The following FER1L6 variants were observed in gnomAD, a reference collection of about 807,000 sequenced individuals.
FER1L6 encodes the protein fer-1-like protein 6.
Under a neutral mutation model 219.2 loss-of-function variants are expected in FER1L6, and 177 were observed. That is an observed-to-expected ratio of 0.81 (90% CI 0.71 to 0.91). The LOEUF (loss-of-function observed/expected upper bound fraction) is 0.91, where lower values mean the gene tolerates loss of function less well. Among genes scored for constraint, FER1L6 ranks in the 40% least tolerant of loss-of-function variants. The pLI, the probability that FER1L6 is intolerant of heterozygous loss-of-function variation, is 0.00. For missense variants in FER1L6, 2,153 were observed against 2,259.9 expected (o/e 0.95, Z 0.96); for synonymous variants, 768 against 824.3 (o/e 0.93, Z 1.17).
intron 1 of FER1L6, among the ~76,000 whole-genome samples, chr8:123,947,763 T>C (rs1250796519): frequency 6.6e-6 from 1 of 152,208 alleles, no homozygotes. Flanking sequence ...ATAATAGAGA[T>C]AAGAACAAAG....
intron 1 of FER1L6, among the ~76,000 whole-genome samples, chr8:123,878,557 C>T (rs1180719321): frequency 6.6e-6 from 1 of 152,158 alleles, no homozygotes; most frequent in South Asian, 2.1e-4. Flanking sequence ...AAGGATTACC[C>T]TTAGTGCTCC....
At chr8:124,083,987 C>T (rs1821686927) in intron 33 of FER1L6, among the ~76,000 whole-genome samples, 1 of 151,988 alleles carries the variant, frequency 6.6e-6, no homozygotes, top group African/African-American at 2.4e-5. Context: ...GATCTTTTCT[C>T]TCTTGAAGTT....
chr8:123,913,901 A>G (rs1345236000), intron 1 of FER1L6, among the ~76,000 whole-genome samples: 1 of 152,128 alleles, frequency 6.6e-6, no homozygotes, highest in Non-Finnish European at 1.5e-5. Context: ...GGCATTCTTA[A>G]TGAACACACA....
intron 10 of FER1L6, 30 bp from the exon 11 acceptor site, chr8:123,980,435 T>G: frequency 1.4e-4 from 212 of 1,518,614 alleles, no homozygotes; most frequent in Middle Eastern, 1.8e-4. Flanking sequence ...AAAAACATAA[T>G]GAGATAACTA....
In FER1L6 at chr8:123,986,194, C is replaced by T; in HGVS notation, c.1519+18C>T. ...TTCTATTGGTAAGTACAGATAAGCACAGTGCCAGGCACATAGCATGGATTT... is the reference window on the plus strand; with the variant it reads ...TTCTATTGGTAAGTACAGATAAGCATAGTGCCAGGCACATAGCATGGATTT... On this transcript the variant is annotated intron_variant, in intron 12 of 40. Transcript: ENST00000522917. 1 of 1,397,082 alleles carries T rather than the reference C, an allele frequency of 7.2e-7. No homozygotes were observed. The highest frequency in any genetic ancestry group is 1.0e-6 in the Non-Finnish European group (1 of 986,176). 86.5% of individuals were successfully genotyped at this position (1,397,082 alleles called of 1,614,324 possible).
intron 1 of FER1L6, among the ~76,000 whole-genome samples, chr8:123,903,479 T>C (rs1413676240): frequency 6.6e-6 from 1 of 152,234 alleles, no homozygotes; most frequent in Admixed American, 6.5e-5. Flanking sequence ...ATTCAGATAA[T>C]TCTGATGTTA....
At chr8:123,931,233 C>T (rs944407513) in intron 1 of FER1L6, among the ~76,000 whole-genome samples, 1 of 152,120 alleles carries the variant, frequency 6.6e-6, no homozygotes, top group South Asian at 2.1e-4. Flanking sequence ...TCTTGTGTAC[C>T]AACAGATCCA....
intron 1 of FER1L6, among the ~76,000 whole-genome samples, chr8:123,855,788 G>GTATA (rs750993470): frequency 7.0e-6 from 1 of 143,878 alleles, no homozygotes; most frequent in Admixed American, 6.9e-5. Flanking sequence ...GTGTGTGTGT[G>GTATA]TATATATATA....
rs767275946 is a variant in FER1L6 at position 124,082,400 on chromosome 8, G to C, written c.4333G>C (p.Glu1445Gln). Residue 1445 changes from glutamate (E) to glutamine (Q), a missense_variant, in exon 33 of 41, where the codon GAG becomes CAG. Coordinates refer to ENST00000522917, the MANE Select transcript of FER1L6 (RefSeq NM_001039112.2). The part of the protein sequence containing the change: ...DLIGETKIDL[E>Q]NRFYSKHRAI... ...TATTGGTGAGACCAAGATCGACCTG[G>C]AGAACCGCTTCTACAGCAAACACCG... The C allele has an allele frequency of 1.2e-6, 2 of 1,614,084 alleles. No individual in the cohort carries two copies.
intron 35 of FER1L6, among the ~76,000 whole-genome samples, chr8:124,096,903 T>C (rs1389516440): frequency 2.0e-5 from 3 of 152,122 alleles, no homozygotes. Flanking sequence ...AAAATGTTTT[T>C]TCCTCTGTCA....
rs543162782 is a variant in FER1L6, at chr8:123,939,131, G to T, written c.-7-16861G>T. The T allele has an allele frequency of 5.1e-6, 5 of 983,614 alleles. No homozygotes were observed. In the Admixed American group the frequency reaches 3.1e-4, roughly 60 times the overall value. The allele number at this position is 983,614 out of a possible 1,614,324, so 60.9% of individuals were successfully genotyped here. ...CATAGGTTTGTACTTGCTGGAAGAT[G>T]GGGCTTGGCAGCATTTCTCAAATTG... On this transcript the variant is annotated intron_variant, in intron 1 of 40. Coordinates refer to ENST00000522917, the MANE Select transcript of FER1L6 (RefSeq NM_001039112.2).
chr8:124,032,958 C>T (rs1265076685), intron 18 of FER1L6, among the ~76,000 whole-genome samples: 1 of 152,110 alleles, frequency 6.6e-6, no homozygotes, highest in East Asian at 1.9e-4. Flanking sequence ...AACCAGATGC[C>T]CTGGCAATCC....
intron 16 of FER1L6, among the ~76,000 whole-genome samples, chr8:124,018,694 C>T (rs1818311662): frequency 1.3e-5 from 2 of 152,154 alleles, no homozygotes; most frequent in African/African-American, 2.4e-5. Flanking sequence ...TCTCCCTCCT[C>T]ATCTCTAGAC....
chr8:123,910,173 CAG>C (rs1202981567), intron 1 of FER1L6, among the ~76,000 whole-genome samples: 2 of 152,176 alleles, frequency 1.3e-5, no homozygotes, highest in African/African-American at 2.4e-5. Flanking sequence ...CCGGCAGCAG[CAG>C]ATTCATCTGC....
chr8:124,015,872 C>T (rs1381816411), intron 15 of FER1L6: 1 of 152,426 alleles, frequency 6.6e-6, no homozygotes, highest in African/African-American at 2.4e-5. Flanking sequence ...TGAGAAAGCA[C>T]CTTGGACCCG....
At chr8:124,039,249 T>A (rs1024527342) in intron 19 of FER1L6, among the ~76,000 whole-genome samples, 1 of 152,190 alleles carries the variant, frequency 6.6e-6, no homozygotes, top group African/African-American at 2.4e-5. Flanking sequence ...TACCACAGAA[T>A]CCTCAGAGAT....
intron 1 of FER1L6, among the ~76,000 whole-genome samples, chr8:123,859,931 T>TTTTA (rs898567377): frequency 6.8e-5 from 10 of 147,044 alleles, no homozygotes; most frequent in Admixed American, 1.4e-4. Context: ...ATGTGCCACA[T>TTTTA]TTTATTTATT....
At chr8:123,909,653 G>T (rs1195796780) in intron 1 of FER1L6, among the ~76,000 whole-genome samples, 1 of 152,138 alleles carries the variant, frequency 6.6e-6, no homozygotes, top group Non-Finnish European at 1.5e-5. Flanking sequence ...AGGAAAACAG[G>T]TCTAAAACCC....
Position 123,852,814 on chromosome 8 carries a change from T to C in FER1L6, c.-8+629T>C, listed in dbSNP as rs778416986. ...CTATTAACTAAGCTCCACGCTTTAT[T>C]TGGATTTCACAAGTTTTTCCACGAA... On this transcript the variant is annotated intron_variant, in intron 1 of 40. Coordinates refer to ENST00000522917, the MANE Select transcript of FER1L6 (RefSeq NM_001039112.2). The surrounding 1 kb of genome is among the most constrained non-coding windows in gnomAD (Gnocchi z 4.9). 1.3e-5 allele frequency among the ~76,000 whole-genome samples: 2 copies of C among 152,166 alleles called. No homozygotes were observed. The highest frequency in any genetic ancestry group is 2.9e-5 in the Non-Finnish European group (2 of 68,034).
Sources: gnomAD v4.1 joint callset for allele counts (sites outside exome capture counted in the v4.1 genomes callset) on GRCh38, gnomAD v4.1.1 for gene constraint, Gnocchi (gnomAD v3.1) non-coding constraint, MANE v1.5 for transcripts, NCBI Gene and HGNC (gene_info 2026-07-23, HGNC 2026-07-21) for gene names.